NOMO3: variants seen among roughly 807,000 people sequenced by gnomAD.
The protein encoded by NOMO3 is NODAL modulator 3.
NOMO3 carries 15 observed loss-of-function variants against 69.9 expected under a neutral mutation model. The ratio of observed to expected loss-of-function variants is 0.21; its 90% CI spans 0.14 to 0.33. NOMO3 has a LOEUF of 0.33. Among genes scored for constraint, NOMO3 ranks in the 10% least tolerant of loss-of-function variants. The pLI, the probability that NOMO3 is intolerant of heterozygous loss-of-function variation, is 1.00. For synonymous variants in NOMO3, 89 were observed against 301.9 expected (o/e 0.29, Z 7.31); for missense variants, 218 against 761.0 (o/e 0.29, Z 8.39).
At chr16:16,255,624 G>A (rs1199121402) in intron 9 of NOMO3, 96 bp from the exon 10 acceptor site, 1 of 680,532 alleles carries the variant, frequency 1.5e-6, no homozygotes, top group Non-Finnish European at 2.6e-6. Context: ...GGCGGCAGGA[G>A]CAGACATGGT....
chr16:16,234,060 C>G (rs71250893), intron 1 of NOMO3, among the ~76,000 whole-genome samples: 11 of 151,782 alleles, frequency 7.2e-5, no homozygotes, highest in African/African-American at 1.2e-4. Context: ...TCAAGGCCCC[C>G]TTGTTTGCTG....
chr16:16,255,983 C>A (rs2049508173), intron 10 of NOMO3, 25 bp from the exon 11 acceptor site: 1 of 1,579,530 alleles, frequency 6.3e-7, no homozygotes, highest in Non-Finnish European at 8.5e-7. Context: ...GGCTTATCTT[C>A]TGTTTGTGTG....
At chr16:16,258,700 C>T in intron 11 of NOMO3, among the ~76,000 whole-genome samples, 1 of 142,972 alleles carries the variant, frequency 7.0e-6, no homozygotes, top group Admixed American at 6.8e-5. Flanking sequence ...CCGGTCTGTA[C>T]TAAAGATACA....
Position 16,235,826 on chromosome 16 carries a change from G to A in NOMO3, c.166-1075G>A, listed in dbSNP as rs556396056. The A allele has an allele frequency of 7.1e-4, 311 of 440,622 alleles. 42 individuals carry two copies. Among genetic ancestry groups the A allele is most frequent in the African/African-American group, 6.5e-3 (292 of 44,596 alleles). The allele number at this position is 440,622 out of a possible 1,614,324, so 27.3% of individuals were successfully genotyped here. A position where few individuals can be genotyped will look rare whatever the true frequency, so the allele number is the denominator to read the frequency against. On this transcript the variant is annotated intron_variant, in intron 1 of 30. Coordinates refer to ENST00000399336, the MANE Select transcript of NOMO3 (RefSeq NM_001004067.4). ...CCTGGCCGCAAACTGATTTTTCTTTGAATCCATATTCTGTAGCAGGTGCTT... is the reference window on the plus strand; with the variant it reads ...CCTGGCCGCAAACTGATTTTTCTTTAAATCCATATTCTGTAGCAGGTGCTT...
rs868772594 is a variant in NOMO3, at chr16:16,232,595, G to A, written c.-72G>A. On this transcript the variant is annotated 5_prime_UTR_variant, in exon 1 of 31. Transcript: ENST00000399336. The stretch of plus-strand genomic sequence containing the variant: ...TGTCAGCCGGCCTAGGAGGAGGAAG[G>A]AGCCTGCGGCGTGCAGTGTGAGGGG... 71 of 484,482 alleles carry A rather than the reference G, an allele frequency of 1.5e-4. No individual in the cohort carries two copies. Among genetic ancestry groups the A allele is most frequent in the Non-Finnish European group, 2.1e-4 (64 of 302,420 alleles). The allele number at this position is 484,482 out of a possible 1,614,324, so 30.0% of individuals were successfully genotyped here.
chr16:16,233,544 T>G (rs1246742001), intron 1 of NOMO3, among the ~76,000 whole-genome samples: 2 of 113,564 alleles, frequency 1.8e-5, no homozygotes, highest in Admixed American at 1.7e-4. Flanking sequence ...AAAGTCCTGT[T>G]AAATGTTTAT....
At chr16:16,270,027 C>T (rs139740028) in intron 16 of NOMO3, 94 bp from the exon 17 acceptor site, 51,793 of 1,572,890 alleles carry the variant, frequency 0.033, 3,743 homozygotes, top group African/African-American at 0.088. Context: ...TGAGTTTTCA[C>T]ATGCAAAGAG....
intron 20 of NOMO3, 74 bp downstream of exon 20, chr16:16,274,149 T>C: frequency 1.1e-6 from 1 of 922,090 alleles, no homozygotes; most frequent in Non-Finnish European, 1.6e-6. Context: ...TACAAGTAGA[T>C]TTGTGATGTT....
chr16:16,258,372 G>C (rs1441516592), intron 11 of NOMO3, among the ~76,000 whole-genome samples: 1 of 131,804 alleles, frequency 7.6e-6, no homozygotes, highest in Non-Finnish European at 1.5e-5. Context: ...AGAGACCTTA[G>C]TAAAGACTAA....
chr16:16,262,798 C>T (rs958591300), intron 12 of NOMO3, among the ~76,000 whole-genome samples: 1 of 140,468 alleles, frequency 7.1e-6, no homozygotes, highest in Admixed American at 6.9e-5. Context: ...GTAAGTGAGG[C>T]GTGTCCGCGT....
At chr16:16,270,060 G>A (rs373123067) in intron 16 of NOMO3, 61 bp from the exon 17 acceptor site, 50,294 of 1,540,558 alleles carry the variant, frequency 0.033, 3,234 homozygotes, top group African/African-American at 0.086. Context: ...TTCAGATGTC[G>A]GAATTGCTCA....
At chr16:16,255,694 G>A (rs373081765) in intron 9 of NOMO3, 26 bp from the exon 10 acceptor site, 3 of 1,593,372 alleles carry the variant, frequency 1.9e-6, no homozygotes, top group Non-Finnish European at 2.5e-6. Flanking sequence ...GCACCTTCGA[G>A]CACCTTCTTG....
At position 16,274,191 on chromosome 16, in the gene NOMO3, A is replaced by G. The variant is rs2049678316; in HGVS notation, c.2356+116A>G. Reference sequence around the variant, plus strand: ...AAGCCATCTTTGTAAGCCACCTTACATCCTCTCTGGCACACAGATGTTACT... The same window carrying G: ...AAGCCATCTTTGTAAGCCACCTTACGTCCTCTCTGGCACACAGATGTTACT... On this transcript the variant is annotated intron_variant, in intron 20 of 30. Transcript: ENST00000399336. The G allele has an allele frequency of 6.3e-6, 5 of 794,186 alleles. No homozygotes were observed. The East Asian group carries it at 9.7e-5, about 15-fold the overall frequency. The allele number at this position is 794,186 out of a possible 1,614,324, so 49.2% of individuals were successfully genotyped here.
chr16:16,250,912 TCTTTTTCTGTTA>T lies in NOMO3; in HGVS notation c.583-14_583-3del. 1.8e-6 allele frequency: 1 copy of T among 557,106 alleles called. No homozygotes were observed. The allele number at this position is 557,106 out of a possible 1,614,324, so 34.5% of individuals were successfully genotyped here. ...GTGTTTATTTTTTTACAGGTTAAAA[TCTTTTTCTGTTA>T]CAGGCAAGCACCACAGTGCGTGTAA... On this transcript the variant is annotated splice_region_variant and splice_polypyrimidine_tract_variant and intron_variant, in intron 6 of 30. Transcript: ENST00000399336.
chr16:16,234,899 T>C (rs1425695817), intron 1 of NOMO3, among the ~76,000 whole-genome samples: 7 of 152,114 alleles, frequency 4.6e-5, no homozygotes, highest in Non-Finnish European at 1.0e-4. Context: ...GCTTTATTTC[T>C]CTGGAAAGCC....
At chr16:16,258,692 G>A (rs867997973) in intron 11 of NOMO3, among the ~76,000 whole-genome samples, 3 of 142,978 alleles carry the variant, frequency 2.1e-5, no homozygotes, top group Non-Finnish European at 3.0e-5. Flanking sequence ...GGTGAAACCC[G>A]GTCTGTACTA....
rs1403459871 is a variant in NOMO3, at chr16:16,236,082, T to G, written c.166-819T>G. The G allele has an allele frequency of 1.2e-5, 2 of 167,924 alleles. 1 individual carries two copies. Among genetic ancestry groups the G allele is most frequent in the African/African-American group, 5.5e-5 (2 of 36,358 alleles). 10.4% of individuals were successfully genotyped at this position (167,924 alleles called of 1,614,324 possible). A position where few individuals can be genotyped will look rare whatever the true frequency, so the allele number is the denominator to read the frequency against. On this transcript the variant is annotated intron_variant, in intron 1 of 30. Transcript: ENST00000399336. The stretch of plus-strand genomic sequence containing the variant: ...TATTAAATGTCTTTTTAGTCTCTTT[T>G]TCTTCGGAGAATGAAAGTAATGAGA...
chr16:16,235,894 T>C lies in NOMO3; in HGVS notation c.166-1007T>C, dbSNP rs4781634. ...ATCTGTACAACCACATGAAAAGGAGTGGCTCTATGTCTGCACCTGAAGAAA... is the reference window on the plus strand; with the variant it reads ...ATCTGTACAACCACATGAAAAGGAGCGGCTCTATGTCTGCACCTGAAGAAA... On this transcript the variant is annotated intron_variant, in intron 1 of 30. Coordinates refer to ENST00000399336, the MANE Select transcript of NOMO3 (RefSeq NM_001004067.4). The C allele has an allele frequency of 2.4e-4, 106 of 438,004 alleles. 1 individual carries two copies. The highest frequency in any genetic ancestry group is 3.7e-4 in the African/African-American group (16 of 43,778). 27.1% of individuals were successfully genotyped at this position (438,004 alleles called of 1,614,324 possible).
intron 15 of NOMO3, 76 bp downstream of exon 15, chr16:16,265,255 G>A (rs767908488): frequency 3.1e-6 from 5 of 1,588,112 alleles, no homozygotes; most frequent in Non-Finnish European, 2.5e-6. Context: ...AACATCCCAG[G>A]AATATTGTAA....
Sources: gnomAD v4.1 joint callset for allele counts (sites outside exome capture counted in the v4.1 genomes callset) on GRCh38, gnomAD v4.1.1 for gene constraint, MANE v1.5 for transcripts, NCBI Gene and HGNC (gene_info 2026-07-23, HGNC 2026-07-21) for gene names.